The following CTNNA3 variants were observed in gnomAD, a reference collection of about 807,000 sequenced individuals.
The protein encoded by CTNNA3 is catenin alpha-3.
A neutral mutation model predicts 95.7 loss-of-function variants in CTNNA3; 76 were observed. The observed-to-expected ratio is 0.79, with a 90% CI of 0.66 to 0.96. CTNNA3 has a LOEUF of 0.96. Ranked by LOEUF, CTNNA3 falls within the 40% of genes least tolerant of loss-of-function variation. The pLI, the probability that CTNNA3 is intolerant of heterozygous loss-of-function variation, is 0.00. For missense variants in CTNNA3, 1,191 were observed against 1,089.8 expected (o/e 1.09, Z -1.31); for synonymous variants, 431 against 374.4 (o/e 1.15, Z -1.74).
At chr10:66,174,942 A>C (rs2085629090) in intron 13 of CTNNA3, among the ~76,000 whole-genome samples, 1 of 152,134 alleles carries the variant, frequency 6.6e-6, no homozygotes, top group African/African-American at 2.4e-5. Context: ...TACACACACA[A>C]GCAGTAGTAA....
At chr10:66,535,502 CG>C (rs1482499634) in intron 10 of CTNNA3, among the ~76,000 whole-genome samples, 3 of 152,046 alleles carry the variant, frequency 2.0e-5, no homozygotes, top group Non-Finnish European at 2.9e-5. Flanking sequence ...GAATTATCTC[CG>C]GGGAAATATA....
chr10:67,306,496 G>A (rs920888797), intron 5 of CTNNA3, among the ~76,000 whole-genome samples: 5 of 152,248 alleles, frequency 3.3e-5, no homozygotes, highest in African/African-American at 1.2e-4. Flanking sequence ...ATGGTAACAT[G>A]TAGCTAAAGA....
intron 11 of CTNNA3, among the ~76,000 whole-genome samples, chr10:66,405,509 C>T (rs2441755): frequency 0.35 from 53,864 of 151,968 alleles, 10,736 homozygotes; most frequent in African/African-American, 0.54. Context: ...ATGAGGTACA[C>T]TGACCCCCAT....
At position 66,739,701 on chromosome 10, in the gene CTNNA3, G is replaced by A. The variant is rs1001598213; in HGVS notation, c.1281+26563C>T. On this transcript the variant is annotated intron_variant, in intron 9 of 17. Transcript: ENST00000433211. ...TACATTGTTAAGACTAATTTGTAACGTACTGGCCATTATATCTGGAATAAA... is the reference window on the plus strand; with the variant it reads ...TACATTGTTAAGACTAATTTGTAACATACTGGCCATTATATCTGGAATAAA... Among the ~76,000 whole-genome samples, 19 of 152,172 alleles carry A rather than the reference G, an allele frequency of 1.2e-4. No homozygotes were observed. In the South Asian group the frequency reaches 2.1e-3, roughly 17 times the overall value.
intron 12 of CTNNA3, among the ~76,000 whole-genome samples, chr10:66,317,064 A>T (rs1244006420): frequency 6.6e-6 from 1 of 152,138 alleles, no homozygotes; most frequent in Non-Finnish European, 1.5e-5. Context: ...TCAAAATATA[A>T]TTTTTTTAGA....
intron 10 of CTNNA3, among the ~76,000 whole-genome samples, chr10:66,585,811 T>C (rs1198925073): frequency 1.3e-5 from 2 of 152,078 alleles, no homozygotes; most frequent in Non-Finnish European, 2.9e-5. Context: ...ATTGATTTTT[T>C]TGAGTTGTCA....
At chr10:67,719,055 T>C (rs1292163127) in intron 1 of CTNNA3, among the ~76,000 whole-genome samples, 2 of 152,210 alleles carry the variant, frequency 1.3e-5, no homozygotes. Context: ...TCCAGGAATT[T>C]ATCCATTTCT....
chr10:67,307,483 T>TTGG (rs1564553225), intron 5 of CTNNA3, among the ~76,000 whole-genome samples: 36 of 151,336 alleles, frequency 2.4e-4, no homozygotes, highest in South Asian at 4.2e-4. Context: ...TGTTTGTTTG[T>TTGG]TTGGTTGGTT....
intron 15 of CTNNA3, among the ~76,000 whole-genome samples, chr10:66,004,023 A>C (rs2078828835): frequency 6.6e-6 from 1 of 152,222 alleles, no homozygotes; most frequent in African/African-American, 2.4e-5. Context: ...TTAGACGCTC[A>C]ACACTCCTTA....
chr10:66,477,587 A>G (rs1341248384), intron 11 of CTNNA3, among the ~76,000 whole-genome samples: 5 of 152,106 alleles, frequency 3.3e-5, no homozygotes, highest in African/African-American at 1.2e-4. Flanking sequence ...GTATTGTAAT[A>G]TGAATGCATT....
At chr10:66,230,824 T>A (rs2089550218) in intron 13 of CTNNA3, among the ~76,000 whole-genome samples, 1 of 152,116 alleles carries the variant, frequency 6.6e-6, no homozygotes, top group Non-Finnish European at 1.5e-5. Context: ...GTGTGCTGGA[T>A]CATTTATGCC....
At chr10:67,009,959 C>T (rs1051705151) in intron 7 of CTNNA3, among the ~76,000 whole-genome samples, 2 of 152,258 alleles carry the variant, frequency 1.3e-5, no homozygotes, top group East Asian at 1.9e-4. Context: ...AGCAAGAACC[C>T]TGTCATTCTA....
intron 7 of CTNNA3, among the ~76,000 whole-genome samples, chr10:66,787,055 A>C (rs1840776719): frequency 6.6e-6 from 1 of 152,174 alleles, no homozygotes; most frequent in African/African-American, 2.4e-5. Flanking sequence ...CATCTTTCTA[A>C]GTTCCTTTTT....
chr10:66,334,192 G>A (rs961239230), intron 12 of CTNNA3, among the ~76,000 whole-genome samples: 23 of 151,938 alleles, frequency 1.5e-4, no homozygotes, highest in African/African-American at 5.3e-4. Flanking sequence ...CAGTTTGCCA[G>A]TCTGTCTTTT....
chr10:67,637,517 C>A (rs946791646), intron 2 of CTNNA3, among the ~76,000 whole-genome samples: 5 of 152,100 alleles, frequency 3.3e-5, no homozygotes, highest in African/African-American at 9.7e-5. Flanking sequence ...CAGAGAATAC[C>A]ACAAAGATAT....
At chr10:66,709,615 C>CA (rs1311928392) in intron 9 of CTNNA3, among the ~76,000 whole-genome samples, 1 of 152,094 alleles carries the variant, frequency 6.6e-6, no homozygotes, top group African/African-American at 2.4e-5. Context: ...ATTACTTCTT[C>CA]ACTCACTTAT....
rs1480998682 is a variant in CTNNA3, at chr10:67,317,810, T to A, written c.580-97940A>T. ...TTGGCCATGTTTCACCCTTTTCAAC[T>A]AGACCTTCTTGGTGTGACTGTTGCA... On this transcript the variant is annotated intron_variant, in intron 5 of 17. Transcript: ENST00000433211. 3.3e-5 allele frequency among the ~76,000 whole-genome samples: 5 copies of A among 152,304 alleles called. No homozygotes were observed. In the East Asian group the frequency reaches 5.8e-4, roughly 18 times the overall value.
intron 11 of CTNNA3, among the ~76,000 whole-genome samples, chr10:66,499,029 C>A (rs985526003): frequency 6.6e-6 from 1 of 152,130 alleles, no homozygotes; most frequent in Admixed American, 6.6e-5. Flanking sequence ...TAAAGCACTG[C>A]AATGAAGTAA....
At chr10:66,833,377 T>C (rs780750904) in intron 7 of CTNNA3, among the ~76,000 whole-genome samples, 1 of 152,222 alleles carries the variant, frequency 6.6e-6, no homozygotes, top group South Asian at 2.1e-4. Flanking sequence ...CTTGTTTATA[T>C]CTCTATAATA....
Sources: allele counts gnomAD v4.1 joint callset (sites outside exome capture counted in the v4.1 genomes callset), GRCh38; gene constraint gnomAD v4.1.1; transcripts MANE v1.5; gene names NCBI Gene and HGNC (gene_info 2026-07-23, HGNC 2026-07-21).